FOXP1: variants seen among roughly 807,000 people sequenced by gnomAD.
The protein encoded by FOXP1 is forkhead box protein P1.
FOXP1 carries 15 observed loss-of-function variants against 98.2 expected under a neutral mutation model. The observed-to-expected ratio is 0.15, with a 90% CI of 0.10 to 0.24. The LOEUF (loss-of-function observed/expected upper bound fraction) is 0.24. Among genes scored for constraint, FOXP1 ranks in the 10% least tolerant of loss-of-function variants. The pLI, the probability that FOXP1 is intolerant of heterozygous loss-of-function variation, is 1.00. For synonymous variants in FOXP1, 371 were observed against 314.5 expected (o/e 1.18, Z -1.90); for missense variants, 633 against 848.5 (o/e 0.75, Z 3.15).
At chr3:71,341,931 C>G (rs1035541157) in intron 4 of FOXP1, among the ~76,000 whole-genome samples, 3 of 152,144 alleles carry the variant, frequency 2.0e-5, no homozygotes, top group Non-Finnish European at 4.4e-5. Flanking sequence ...ATGCATGAGT[C>G]GCTTCTCAAT....
At chr3:71,185,085 CAGGAGGCTG>C (rs2062565971) in intron 6 of FOXP1, among the ~76,000 whole-genome samples, 1 of 151,840 alleles carries the variant, frequency 6.6e-6, no homozygotes, top group African/African-American at 2.4e-5. Flanking sequence ...CCCAGCTACT[CAGGAGGCTG>C]AGGCACAAGA....
chr3:71,568,794 G>A (rs1171281171), intron 2 of FOXP1, among the ~76,000 whole-genome samples: 2 of 152,010 alleles, frequency 1.3e-5, no homozygotes, highest in Non-Finnish European at 2.9e-5. Flanking sequence ...TTACAGGCAT[G>A]AGCCACCACG....
At chr3:71,268,489 C>T (rs182146286) in intron 5 of FOXP1, among the ~76,000 whole-genome samples, 8 of 151,978 alleles carry the variant, frequency 5.3e-5, no homozygotes, top group African/African-American at 1.5e-4. Flanking sequence ...TAATTAAAAC[C>T]GATCTTCTTC....
At chr3:71,287,999 G>C (rs2072343338) in intron 5 of FOXP1, among the ~76,000 whole-genome samples, 1 of 151,822 alleles carries the variant, frequency 6.6e-6, no homozygotes, top group Non-Finnish European at 1.5e-5. Context: ...TCCTGCCTCA[G>C]CCTCCTGAGT....
chr3:71,310,027 A>C (rs1406309789), intron 4 of FOXP1, among the ~76,000 whole-genome samples: 1 of 152,206 alleles, frequency 6.6e-6, no homozygotes, highest in African/African-American at 2.4e-5. Flanking sequence ...CTAATTTTTA[A>C]TTACCATTCT....
At chr3:71,453,263 G>C (rs945721166) in intron 3 of FOXP1, among the ~76,000 whole-genome samples, 2 of 152,034 alleles carry the variant, frequency 1.3e-5, no homozygotes, top group African/African-American at 4.8e-5. Context: ...GCCAAGACCA[G>C]CCAACTAAAC....
chr3:71,062,373 A>G (rs777358736), intron 7 of FOXP1, among the ~76,000 whole-genome samples: 10 of 152,230 alleles, frequency 6.6e-5, no homozygotes, highest in Non-Finnish European at 1.5e-4. Flanking sequence ...CTGGAAAAAT[A>G]TGAGTTAATC....
chr3:71,269,878 T>C (rs920850362), intron 5 of FOXP1, among the ~76,000 whole-genome samples: 2 of 152,130 alleles, frequency 1.3e-5, no homozygotes, highest in Admixed American at 6.6e-5. Context: ...CCATAAATCA[T>C]ATGCTAAGAG....
At chr3:71,198,786 G>A (rs986559753) in intron 5 of FOXP1, among the ~76,000 whole-genome samples, 12 of 151,482 alleles carry the variant, frequency 7.9e-5, no homozygotes, top group South Asian at 2.1e-4. Context: ...TCCACCTCCC[G>A]GGTTCAAGAG....
chr3:71,470,542 C>A (rs534891084), intron 3 of FOXP1, among the ~76,000 whole-genome samples: 46 of 152,210 alleles, frequency 3.0e-4, no homozygotes, highest in Admixed American at 2.0e-3. Flanking sequence ...GAGTTCAAGA[C>A]CAGTCTGGGC....
chr3:71,502,979 A>AG (rs11366768), intron 2 of FOXP1, among the ~76,000 whole-genome samples: 1,686 of 46,404 alleles, frequency 0.036, 33 homozygotes, highest in African/African-American at 0.1. Flanking sequence ...CTTTACAATT[A>AG]GAAAAAAAAA....
At chr3:71,493,129 C>G (rs1038207856) in intron 3 of FOXP1, among the ~76,000 whole-genome samples, 1 of 151,648 alleles carries the variant, frequency 6.6e-6, no homozygotes, top group African/African-American at 2.4e-5. Flanking sequence ...GTAATGGGAC[C>G]AAAAAAACAA....
intron 4 of FOXP1, among the ~76,000 whole-genome samples, chr3:71,311,783 A>C (rs150655479): frequency 4.5e-4 from 69 of 152,330 alleles, no homozygotes; most frequent in Non-Finnish European, 7.8e-4. Context: ...AGTGATCTCA[A>C]AGTAGAAACT....
At chr3:70,974,395 T>A (rs750920039) in intron 17 of FOXP1, among the ~76,000 whole-genome samples, 1 of 152,102 alleles carries the variant, frequency 6.6e-6, no homozygotes, top group Non-Finnish European at 1.5e-5. Flanking sequence ...ATTCCTGGGC[T>A]CAAGCGAGTC....
intron 20 of FOXP1, among the ~76,000 whole-genome samples, chr3:70,960,374 G>C (rs774481989): frequency 6.6e-6 from 1 of 152,136 alleles, no homozygotes; most frequent in Non-Finnish European, 1.5e-5. Flanking sequence ...GCGTGGTTGC[G>C]ATGAGGTCTG....
At chr3:71,462,596 A>G (rs921096995) in intron 3 of FOXP1, among the ~76,000 whole-genome samples, 1 of 152,180 alleles carries the variant, frequency 6.6e-6, no homozygotes, top group Admixed American at 6.5e-5. Flanking sequence ...CTGAAATTTC[A>G]CCAGGTGTCT....
At chr3:71,125,535 A>T (rs2059106004) in intron 6 of FOXP1, among the ~76,000 whole-genome samples, 1 of 152,228 alleles carries the variant, frequency 6.6e-6, no homozygotes, top group Admixed American at 6.5e-5. Context: ...AGAAATACAG[A>T]TTTGATTGGT....
intron 3 of FOXP1, among the ~76,000 whole-genome samples, chr3:71,476,306 T>G (rs1235388952): frequency 6.6e-6 from 1 of 152,122 alleles, no homozygotes; most frequent in African/African-American, 2.4e-5. Context: ...GTTCTTTTTT[T>G]TTTTTTTGTT....
At chr3:71,041,902 C>T (rs953628843) in intron 10 of FOXP1, among the ~76,000 whole-genome samples, 7 of 152,122 alleles carry the variant, frequency 4.6e-5, no homozygotes, top group Admixed American at 2.6e-4. Context: ...ATTTGTTCAA[C>T]TATACTATTA....
Sources: allele counts gnomAD v4.1 joint callset (sites outside exome capture counted in the v4.1 genomes callset), GRCh38; gene constraint gnomAD v4.1.1; transcripts MANE v1.5; gene names NCBI Gene and HGNC (gene_info 2026-07-23, HGNC 2026-07-21).